Variants in BEND3 observed in about 807,000 individuals in gnomAD.
The protein encoded by BEND3 is BEN domain-containing protein 3.
Under a neutral mutation model 60.1 loss-of-function variants are expected in BEND3, and 13 were observed. The ratio of observed to expected loss-of-function variants is 0.22; its 90% CI spans 0.14 to 0.34. BEND3 has a LOEUF of 0.34. BEND3 is among the 10% of genes least tolerant of loss of function. The pLI is 1.00. For missense variants in BEND3, 896 were observed against 1,138.1 expected (o/e 0.79, Z 3.06); for synonymous variants, 497 against 491.5 (o/e 1.01, Z -0.15).
chr6:107,111,960 C>G (rs1020121888), intron 1 of BEND3, among the ~76,000 whole-genome samples: 8 of 147,800 alleles, frequency 5.4e-5, no homozygotes, highest in Non-Finnish European at 1.2e-4. Context: ...CCAGCCTGGG[C>G]ACCAGAGTGA....
intron 3 of BEND3, among the ~76,000 whole-genome samples, chr6:107,087,345 C>A (rs1244176765): frequency 6.6e-6 from 1 of 151,806 alleles, no homozygotes; most frequent in East Asian, 1.9e-4. Flanking sequence ...GAAAAAACGA[C>A]AAGGCGTACT....
intron 3 of BEND3, among the ~76,000 whole-genome samples, chr6:107,073,201 G>GTATATATATATATATA (rs782669876): frequency 1.8e-4 from 4 of 22,652 alleles, no homozygotes; most frequent in Non-Finnish European, 1.9e-4. Flanking sequence ...GTATGTGTAT[G>GTATATATATATATATA]TATATATATA....
intron 3 of BEND3, among the ~76,000 whole-genome samples, chr6:107,090,882 A>G (rs2115018961): frequency 6.6e-6 from 1 of 152,278 alleles, no homozygotes; most frequent in South Asian, 2.1e-4. Flanking sequence ...AGGCAGAGGC[A>G]GTGGATCACC....
In BEND3 at chr6:107,085,888, G is replaced by A. The variant is rs146409512; in HGVS notation, c.240+12663C>T. Reference sequence around the variant, plus strand: ...CGCAAGCTCCGCCTCCTGAGTTCACGCCATTCTCCTGTCTCAGCCTCCCAA... The same window carrying A: ...CGCAAGCTCCGCCTCCTGAGTTCACACCATTCTCCTGTCTCAGCCTCCCAA... On this transcript the variant is annotated intron_variant, in intron 3 of 3. Coordinates refer to ENST00000369042, the MANE Select transcript of BEND3 (RefSeq NM_001367314.1). Among the ~76,000 whole-genome samples the A allele has an allele frequency of 9.3e-3, 1,404 of 151,538 alleles. 27 individuals are homozygous for A. Among genetic ancestry groups the A allele is most frequent in the African/African-American group, 0.033 (1,340 of 41,226 alleles).
At chr6:107,087,979 A>AAAC (rs1554234550) in intron 3 of BEND3, among the ~76,000 whole-genome samples, 2 of 150,482 alleles carry the variant, frequency 1.3e-5, no homozygotes, top group African/African-American at 4.9e-5. Flanking sequence ...TAAAAAAAAA[A>AAAC]AAAACACTGT....
At chr6:107,096,001 G>A (rs1341927995) in intron 3 of BEND3, among the ~76,000 whole-genome samples, 1 of 152,130 alleles carries the variant, frequency 6.6e-6, no homozygotes, top group African/African-American at 2.4e-5. Context: ...CTATACAATA[G>A]CAAGAGTGAG....
rs1774840601 is a variant in BEND3 at position 107,066,778 on chromosome 6, A to T, written c.*1926T>A. The T allele has an allele frequency of 6.6e-6, 1 of 152,608 alleles. No individual in the cohort carries two copies. The highest frequency in any genetic ancestry group is 1.5e-5 in the Non-Finnish European group (1 of 68,042). 9.5% of individuals were successfully genotyped at this position (152,608 alleles called of 1,614,324 possible). Reference sequence around the variant, plus strand: ...CTTTGGGTAGGGTGCGTGTGTGTGCATGCTGTGTGCATGTGCTGGAGAGAC... The same window carrying T: ...CTTTGGGTAGGGTGCGTGTGTGTGCTTGCTGTGTGCATGTGCTGGAGAGAC... On this transcript the variant is annotated 3_prime_UTR_variant, in exon 4 of 4. Transcript: ENST00000369042.
intron 3 of BEND3, among the ~76,000 whole-genome samples, chr6:107,093,192 C>T (rs1775511466): frequency 6.6e-6 from 1 of 152,068 alleles, no homozygotes; most frequent in African/African-American, 2.4e-5. Context: ...AAGAAAAGAA[C>T]ACAGTTGCCT....
In BEND3 at chr6:107,069,807, T is replaced by C. The variant is rs1774925547; in HGVS notation, c.1384A>G (p.Met462Val). The C allele has an allele frequency of 1.9e-6, 3 of 1,613,428 alleles. No individual in the cohort carries two copies. Among genetic ancestry groups the C allele is most frequent in the Non-Finnish European group, 1.7e-6 (2 of 1,179,960 alleles). ...TGCAGCCAGGCCTCCTCCTCCTGCA[T>C]GTCAGGGAAGTAGATCTCCGTGTAG... ...RNYTEIYFPD[M>V]QEEEAWLQQC... Residue 462 changes from methionine (M) to valine (V), a missense_variant, in exon 4 of 4, where the codon ATG becomes GTG. By Grantham distance (21) the Met-to-Val change is conservative. Around this residue, in one of 4 missense-constraint regions of BEND3, gnomAD observed 846 missense variants for 1,036.7 expected, o/e 0.82. Coordinates refer to ENST00000369042, the MANE Select transcript of BEND3 (RefSeq NM_001367314.1).
chr6:107,067,436 C>T lies in BEND3; in HGVS notation c.*1268G>A, dbSNP rs1774856776. On this transcript the variant is annotated 3_prime_UTR_variant, in exon 4 of 4. Transcript: ENST00000369042. ...GTGCTCCTGGAGAGCATGCAGCTGG[C>T]CTGCAGGAGCCTGACATTCCCAGTC... 6.6e-6 allele frequency: 1 copy of T among 152,252 alleles called. No individual in the cohort carries two copies. The allele number at this position is 152,252 out of a possible 1,614,324, so 9.4% of individuals were successfully genotyped here.
chr6:107,074,137 C>G (rs943220873), intron 3 of BEND3, among the ~76,000 whole-genome samples: 1 of 152,150 alleles, frequency 6.6e-6, no homozygotes, highest in Non-Finnish European at 1.5e-5. Context: ...TATTTATGGC[C>G]GGGTGCGGTG....
chr6:107,097,730 C>T lies in BEND3; in HGVS notation c.240+821G>A, dbSNP rs551258569. Among the ~76,000 whole-genome samples the T allele has an allele frequency of 2.3e-4, 30 of 130,320 alleles. No homozygotes were observed. In the South Asian group the frequency reaches 7.6e-3, roughly 33 times the overall value. 85.5% of individuals were successfully genotyped at this position (130,320 alleles called of 152,430 possible). A position where few individuals can be genotyped will look rare whatever the true frequency, so the allele number is the denominator to read the frequency against. ...GCTTGAACCTAGGAGGCAGAGGTTG[C>T]TGTGAGCTGAGATTGCGCCACTGCA... On this transcript the variant is annotated intron_variant, in intron 3 of 3. Coordinates refer to ENST00000369042, the MANE Select transcript of BEND3 (RefSeq NM_001367314.1).
intron 3 of BEND3, among the ~76,000 whole-genome samples, chr6:107,073,186 G>T (rs1328825017): frequency 8.7e-6 from 1 of 114,926 alleles, no homozygotes; most frequent in Non-Finnish European, 1.7e-5. Context: ...CTTCCTTCAG[G>T]GTTTGTATGT....
Position 107,068,458 on chromosome 6 carries a change from C to T in BEND3, c.*246G>A. 2.0e-6 allele frequency: 1 copy of T among 496,754 alleles called. No individual in the cohort carries two copies. Among genetic ancestry groups the T allele is most frequent in the East Asian group, 3.6e-5 (1 of 27,620 alleles). The allele number at this position is 496,754 out of a possible 1,614,324, so 30.8% of individuals were successfully genotyped here. On this transcript the variant is annotated 3_prime_UTR_variant, in exon 4 of 4. Coordinates refer to ENST00000369042, the MANE Select transcript of BEND3 (RefSeq NM_001367314.1). This position sits in a 1 kb window ranked among gnomAD's most constrained non-coding sequence, Gnocchi z 5.8. ...GGTCCCTGCCCTCACAGCTTGCTCTCCCCACACTCAGGCTGCCCCGCCGGG... is the reference window on the plus strand; with the variant it reads ...GGTCCCTGCCCTCACAGCTTGCTCTTCCCACACTCAGGCTGCCCCGCCGGG...
intron 3 of BEND3, among the ~76,000 whole-genome samples, chr6:107,087,749 C>CAAA (rs1383885245): frequency 2.2e-5 from 1 of 46,262 alleles, no homozygotes. Context: ...AACAAACAAA[C>CAAA]AAACAAAAAA....
intron 2 of BEND3, 21 bp downstream of exon 2, chr6:107,099,228 A>G (rs1554236458): frequency 6.3e-7 from 1 of 1,588,276 alleles, no homozygotes; most frequent in South Asian, 1.1e-5. Flanking sequence ...ACATTTTTCA[A>G]AAAGGGCATT....
intron 1 of BEND3, among the ~76,000 whole-genome samples, chr6:107,108,884 C>CA (rs1775879408): frequency 6.6e-6 from 1 of 152,150 alleles, no homozygotes; most frequent in African/African-American, 2.4e-5. Context: ...CGGCTCTCTG[C>CA]AACTCTGCAT....
chr6:107,100,024 C>T (rs138641552), intron 1 of BEND3, among the ~76,000 whole-genome samples: 8 of 152,018 alleles, frequency 5.3e-5, no homozygotes, highest in Non-Finnish European at 7.4e-5. Context: ...TACCACATGC[C>T]GCCACCCACA....
At position 107,070,510 on chromosome 6, in the gene BEND3, G is replaced by A; in HGVS notation, c.681C>T (p.Ile227=). The A allele has an allele frequency of 6.2e-7, 1 of 1,614,040 alleles. No homozygotes were observed. Among genetic ancestry groups the A allele is most frequent in the Non-Finnish European group, 8.5e-7 (1 of 1,180,040 alleles). ...TCTCAGTGGGGCTCACCTGCTTCTT[G>A]ATGCGGCTCACCTCAAGGGAGAGCA... is the stretch of plus-strand genomic sequence containing the variant. ...VDLLSLEVSR[I]KKQVSPTEMV... is the part of the protein sequence containing the mutation. The change falls in exon 4 of 4, where the codon ATC becomes ATT. Residue 227 remains isoleucine (I), a synonymous_variant. Transcript: ENST00000369042. The surrounding 1 kb of genome is among the most constrained non-coding windows in gnomAD (Gnocchi z 6.9).
Sources: allele counts gnomAD v4.1 joint callset (sites outside exome capture counted in the v4.1 genomes callset), GRCh38; gene constraint gnomAD v4.1.1; regional missense constraint gnomAD v4.1.1; non-coding constraint Gnocchi (gnomAD v3.1); transcripts MANE v1.5; gene names NCBI Gene and HGNC (gene_info 2026-07-23, HGNC 2026-07-21).